The following CDH18 variants were observed in gnomAD, a reference collection of about 807,000 sequenced individuals.
CDH18 encodes the protein cadherin 18.
Under a neutral mutation model 67.9 loss-of-function variants are expected in CDH18, and 31 were observed. That is an observed-to-expected ratio of 0.46 (90% CI 0.34 to 0.62). The LOEUF is 0.62. Ranked by LOEUF, CDH18 falls within the 20% of genes least tolerant of loss-of-function variation. The probability of loss-of-function intolerance (pLI) is 0.01; values close to 1 mark genes in which losing one functional copy is unlikely to be tolerated. For missense variants in CDH18, 890 were observed against 975.5 expected (o/e 0.91, Z 1.17); for synonymous variants, 362 against 347.2 (o/e 1.04, Z -0.48).
intron 2 of CDH18, among the ~76,000 whole-genome samples, chr5:19,972,828 TCA>T (rs2150340524): frequency 6.6e-6 from 1 of 152,090 alleles, no homozygotes; most frequent in Non-Finnish European, 1.5e-5. Context: ...ACAAGACTGT[TCA>T]CAGTTATATT....
chr5:20,312,045 A>G (rs1230660135), intron 1 of CDH18, among the ~76,000 whole-genome samples: 1 of 152,106 alleles, frequency 6.6e-6, no homozygotes, highest in African/African-American at 2.4e-5. Flanking sequence ...AGCCATATTC[A>G]ATGAGTTTTG....
intron 7 of CDH18, among the ~76,000 whole-genome samples, chr5:19,588,789 G>A (rs192624453): frequency 9.1e-4 from 138 of 151,650 alleles, no homozygotes; most frequent in African/African-American, 2.8e-3. Context: ...AAAAAAGATC[G>A]AAAAAGACAA....
intron 1 of CDH18, among the ~76,000 whole-genome samples, chr5:20,419,462 GTTTTTTTT>G (rs202130030): frequency 3.0e-4 from 23 of 75,658 alleles, no homozygotes; most frequent in South Asian, 1.2e-3. Flanking sequence ...ATGGGACTCT[GTTTTTTTT>G]TTTTTTTTTT....
intron 1 of CDH18, among the ~76,000 whole-genome samples, chr5:20,476,392 C>T (rs1581072618): frequency 6.8e-6 from 1 of 148,082 alleles, no homozygotes; most frequent in Middle Eastern, 3.6e-3. Flanking sequence ...AAAGAAAAAA[C>T]TGAACAATTT....
intron 2 of CDH18, among the ~76,000 whole-genome samples, chr5:19,963,972 G>A (rs1253044463): frequency 6.6e-6 from 1 of 151,856 alleles, no homozygotes. Flanking sequence ...TTAGCATAGG[G>A]GCAAGTGCCC....
rs1463828045 is a variant in CDH18 at position 20,350,958 on chromosome 5, C to T, written c.-579-95453G>A. On this transcript the variant is annotated intron_variant, in intron 1 of 14. Transcript: ENST00000507958. ...CAATATCTCAAAAAACTCCTAAATC[C>T]TTCCATTTTGGAAAAGTAAAAAAAA... is the stretch of plus-strand genomic sequence containing the variant. 5.9e-5 allele frequency among the ~76,000 whole-genome samples: 9 copies of T among 151,574 alleles called. No individual in the cohort carries two copies. In the East Asian group the frequency reaches 1.8e-3, roughly 30 times the overall value.
intron 2 of CDH18, among the ~76,000 whole-genome samples, chr5:20,092,818 T>C (rs1000505646): frequency 6.6e-6 from 1 of 152,124 alleles, no homozygotes; most frequent in Non-Finnish European, 1.5e-5. Flanking sequence ...AGCAAGTTCA[T>C]GTTTATACCA....
At chr5:19,906,882 C>T (rs556262914) in intron 2 of CDH18, among the ~76,000 whole-genome samples, 2 of 152,140 alleles carry the variant, frequency 1.3e-5, no homozygotes, top group African/African-American at 4.8e-5. Flanking sequence ...GTCTCTTTCT[C>T]TCTAAGCTGT....
At chr5:19,535,718 T>A (rs1191148059) in intron 9 of CDH18, among the ~76,000 whole-genome samples, 1 of 152,166 alleles carries the variant, frequency 6.6e-6, no homozygotes, top group Non-Finnish European at 1.5e-5. Context: ...GACTCTTATG[T>A]CCACAAGTGA....
At chr5:19,800,422 C>T (rs768821641) in intron 3 of CDH18, among the ~76,000 whole-genome samples, 7 of 151,944 alleles carry the variant, frequency 4.6e-5, no homozygotes, top group Non-Finnish European at 8.8e-5. Flanking sequence ...TCTGGGATAA[C>T]GGAAGGAGTC....
At chr5:19,473,854 A>G (rs1235911585) in intron 12 of CDH18, 138 bp from the exon 13 acceptor site, 2 of 714,056 alleles carry the variant, frequency 2.8e-6, no homozygotes, top group Non-Finnish European at 4.8e-6. Context: ...AGCACAACTC[A>G]CTCTGTGCTC....
At chr5:20,174,145 TA>T (rs1201311428) in intron 2 of CDH18, among the ~76,000 whole-genome samples, 1 of 152,220 alleles carries the variant, frequency 6.6e-6, no homozygotes, top group Non-Finnish European at 1.5e-5. Flanking sequence ...CTGTTCTTTT[TA>T]GTTTTATAAA....
rs752455084 is a variant in CDH18 at position 19,483,360 on chromosome 5, G to T, written c.1823C>A (p.Ser608Ter). 1 of 1,614,038 alleles carries T rather than the reference G, an allele frequency of 6.2e-7. No individual in the cohort carries two copies. Among genetic ancestry groups the T allele is most frequent in the South Asian group, 1.1e-5 (1 of 91,072 alleles). Reference sequence around the variant, plus strand: ...TAAGGCTCCTGTACTCAAACCAGCCGAGGACAGGAAGGCTTCTGCATGGCA... The same window carrying T: ...TAAGGCTCCTGTACTCAAACCAGCCTAGGACAGGAAGGCTTCTGCATGGCA... Reference protein sequence around the residue: ...RTCHAEAFLSSAGLSTGALIA... With the variant: ...RTCHAEAFLS Residue 608 changes from serine to a stop codon, truncating the protein, a stop_gained, in exon 12 of 13, where the codon TCG (serine) becomes TAG (stop). Transcript: ENST00000382275. LOFTEE classifies it high-confidence loss of function.
At chr5:20,415,860 C>T (rs1261202465) in intron 1 of CDH18, among the ~76,000 whole-genome samples, 4 of 151,998 alleles carry the variant, frequency 2.6e-5, no homozygotes, top group African/African-American at 9.7e-5. Context: ...ATCATGAGAA[C>T]ATTATGCTTA....
At chr5:19,939,951 T>A (rs560445916) in intron 2 of CDH18, among the ~76,000 whole-genome samples, 1 of 151,984 alleles carries the variant, frequency 6.6e-6, no homozygotes, top group East Asian at 1.9e-4. Flanking sequence ...TTCTTTTATG[T>A]GACTTACTCT....
chr5:20,041,112 A>G (rs1175353239), intron 2 of CDH18, among the ~76,000 whole-genome samples: 1 of 152,172 alleles, frequency 6.6e-6, no homozygotes, highest in Non-Finnish European at 1.5e-5. Flanking sequence ...CTGGTGTATG[A>G]ACTCTAGCAA....
chr5:19,832,973 G>A (rs1781225486), intron 3 of CDH18, among the ~76,000 whole-genome samples: 1 of 151,968 alleles, frequency 6.6e-6, no homozygotes, highest in African/African-American at 2.4e-5. Flanking sequence ...CTCTAGCTTT[G>A]TTCTTTTTGC....
At chr5:19,702,707 C>T (rs1344058752) in intron 5 of CDH18, among the ~76,000 whole-genome samples, 6 of 152,012 alleles carry the variant, frequency 3.9e-5, no homozygotes, top group Admixed American at 6.6e-5. Flanking sequence ...GGTGGAGTTT[C>T]AGTGTGTTGG....
intron 2 of CDH18, among the ~76,000 whole-genome samples, chr5:19,965,811 G>T (rs1351967677): frequency 1.3e-5 from 2 of 152,022 alleles, no homozygotes. Flanking sequence ...GTTCTTGTGG[G>T]AACAAAAGTG....
Sources: gnomAD v4.1 joint callset for allele counts (sites outside exome capture counted in the v4.1 genomes callset) on GRCh38, gnomAD v4.1.1 for gene constraint, MANE v1.5 for transcripts, NCBI Gene and HGNC (gene_info 2026-07-23, HGNC 2026-07-21) for gene names.